The following BBS9 variants were observed in gnomAD, a reference collection of about 807,000 sequenced individuals.
BBS9 encodes Bardet-Biedl syndrome 9.
BBS9 carries 89 observed loss-of-function variants against 117.7 expected under a neutral mutation model. The observed-to-expected ratio is 0.76, with a 90% CI of 0.64 to 0.90. The LOEUF is 0.90. BBS9 is among the 40% of genes least tolerant of loss of function. BBS9 has a pLI of 0.00. For synonymous variants in BBS9, 379 were observed against 370.9 expected (o/e 1.02, Z -0.25); for missense variants, 982 against 1,042.2 (o/e 0.94, Z 0.80).
chr7:33,347,199 G>A (rs146336095), intron 12 of BBS9, among the ~76,000 whole-genome samples: 314 of 152,120 alleles, frequency 2.1e-3, no homozygotes, highest in African/African-American at 7.2e-3. Context: ...ATAATGGCAC[G>A]TAAATAATTT....
At chr7:33,451,605 A>G (rs1837883776) in intron 19 of BBS9, among the ~76,000 whole-genome samples, 1 of 151,972 alleles carries the variant, frequency 6.6e-6, no homozygotes, top group Admixed American at 6.6e-5. Context: ...CAGCTTTGTG[A>G]TGGGTTTTGA....
Position 33,535,205 on chromosome 7 carries a change from A to G in BBS9, c.2521+1029A>G, listed in dbSNP as rs76565578. Among the ~76,000 whole-genome samples the G allele has an allele frequency of 6.8e-3, 1,031 of 152,324 alleles. 34 individuals carry two copies. In the South Asian group the frequency reaches 0.096, roughly 14 times the overall value. ...CATTACTACTTATATGACCCTGAGT[A>G]TGTTACTTTCTTTTCTAGAGTCTTC... On this transcript the variant is annotated intron_variant, in intron 21 of 22. Transcript: ENST00000242067.
At chr7:33,571,293 A>G (rs1021810915) in intron 21 of BBS9, among the ~76,000 whole-genome samples, 2 of 152,128 alleles carry the variant, frequency 1.3e-5, no homozygotes, top group Non-Finnish European at 2.9e-5. Context: ...TGACTTTTAT[A>G]ATTTAGGTAT....
intron 9 of BBS9, among the ~76,000 whole-genome samples, chr7:33,276,208 A>G (rs1436142738): frequency 6.6e-6 from 1 of 152,228 alleles, no homozygotes; most frequent in East Asian, 1.9e-4. Flanking sequence ...ACTATAATTA[A>G]TGCATGAAAA....
At chr7:33,352,758 T>G (rs1236892765) in intron 14 of BBS9, 101 bp from the exon 15 acceptor site, 2 of 1,343,058 alleles carry the variant, frequency 1.5e-6, no homozygotes, top group African/African-American at 2.9e-5. Flanking sequence ...TTAATTTGTA[T>G]TTTAAGCAGA....
At chr7:33,134,737 T>C (rs1008454674) in intron 1 of BBS9, among the ~76,000 whole-genome samples, 4 of 152,080 alleles carry the variant, frequency 2.6e-5, no homozygotes, top group Non-Finnish European at 5.9e-5. Context: ...GCTGGGATTA[T>C]AGGCACACAC....
chr7:33,485,197 A>G (rs1003476673), intron 19 of BBS9, among the ~76,000 whole-genome samples: 1 of 152,168 alleles, frequency 6.6e-6, no homozygotes, highest in African/African-American at 2.4e-5. Flanking sequence ...TGCTGGGCTT[A>G]ATACCTTGGT....
chr7:33,145,816 A>G (rs1047339301), intron 1 of BBS9, among the ~76,000 whole-genome samples: 18 of 152,166 alleles, frequency 1.2e-4, no homozygotes, highest in African/African-American at 3.1e-4. Flanking sequence ...GGGGTCTTGG[A>G]ACCAATCTTC....
At chr7:33,485,498 A>G (rs1244802502) in intron 19 of BBS9, among the ~76,000 whole-genome samples, 1 of 151,824 alleles carries the variant, frequency 6.6e-6, no homozygotes, top group Non-Finnish European at 1.5e-5. Context: ...TTTAGTAGAG[A>G]TGGGGTTTCA....
intron 20 of BBS9, among the ~76,000 whole-genome samples, chr7:33,530,050 T>C (rs1850330107): frequency 6.6e-6 from 1 of 152,250 alleles, no homozygotes; most frequent in African/African-American, 2.4e-5. Context: ...CACAGTTTTA[T>C]TTCATATTTC....
intron 5 of BBS9, among the ~76,000 whole-genome samples, chr7:33,206,241 G>C (rs909701972): frequency 6.6e-6 from 1 of 152,110 alleles, no homozygotes; most frequent in African/African-American, 2.4e-5. Context: ...TAAAGCAAGG[G>C]GTTACTTATA....
chr7:33,197,016 TACAC>T (rs1345187953), intron 5 of BBS9, among the ~76,000 whole-genome samples: 3 of 152,128 alleles, frequency 2.0e-5, no homozygotes. Flanking sequence ...CCGTTATACA[TACAC>T]TATCAAAATT....
intron 19 of BBS9, among the ~76,000 whole-genome samples, chr7:33,449,448 C>G (rs1837460087): frequency 6.6e-6 from 1 of 152,126 alleles, no homozygotes; most frequent in African/African-American, 2.4e-5. Context: ...AAGTTAACCC[C>G]TAGAGTAACT....
chr7:33,182,385 G>A (rs1454444861), intron 5 of BBS9, among the ~76,000 whole-genome samples: 1 of 152,100 alleles, frequency 6.6e-6, no homozygotes, highest in Non-Finnish European at 1.5e-5. Context: ...TGACTCTCAT[G>A]TATAGTTAGG....
At chr7:33,505,070 T>C (rs577985921) in intron 19 of BBS9, among the ~76,000 whole-genome samples, 5 of 152,306 alleles carry the variant, frequency 3.3e-5, no homozygotes, top group Non-Finnish European at 7.4e-5. Context: ...ACAAGGCAAA[T>C]GCAATTATTC....
At chr7:33,217,081 C>T (rs139661683) in intron 5 of BBS9, among the ~76,000 whole-genome samples, 2,646 of 152,098 alleles carry the variant, frequency 0.017, 61 homozygotes, top group African/African-American at 0.059. Context: ...GGTGACAGAG[C>T]GAGACTCCGT....
intron 19 of BBS9, among the ~76,000 whole-genome samples, chr7:33,437,566 A>G (rs1429038751): frequency 6.6e-6 from 1 of 152,196 alleles, no homozygotes; most frequent in Admixed American, 6.5e-5. Context: ...ATAACTGTGT[A>G]TATGTCCAGC....
intron 5 of BBS9, among the ~76,000 whole-genome samples, chr7:33,248,745 C>T (rs757407089): frequency 6.6e-5 from 10 of 152,076 alleles, no homozygotes; most frequent in Middle Eastern, 3.4e-3. Flanking sequence ...AATTTTTTTT[C>T]CGTGCATGCG....
intron 19 of BBS9, among the ~76,000 whole-genome samples, chr7:33,427,735 A>C (rs1362496328): frequency 7.9e-5 from 12 of 152,098 alleles, no homozygotes; most frequent in African/African-American, 2.9e-4. Context: ...TTTATTCTGA[A>C]ATTTACATGT....
Sources: allele counts gnomAD v4.1 joint callset (sites outside exome capture counted in the v4.1 genomes callset), GRCh38; gene constraint gnomAD v4.1.1; transcripts MANE v1.5; gene names NCBI Gene and HGNC (gene_info 2026-07-23, HGNC 2026-07-21).